The following CD74 variants were observed in gnomAD, a reference collection of about 807,000 sequenced individuals.
The protein encoded by CD74 is HLA class II histocompatibility antigen gamma chain.
In CD74, 20 loss-of-function variants were observed where a neutral mutation model predicts 37.1. The ratio of observed to expected loss-of-function variants is 0.54; its 90% CI spans 0.38 to 0.78. CD74 has a LOEUF of 0.78. Among genes scored for constraint, CD74 ranks in the 30% least tolerant of loss-of-function variants. CD74 has a pLI of 0.00. For synonymous variants in CD74, 150 were observed against 152.0 expected, an observed-to-expected ratio of 0.99 and a Z score of 0.10; for missense variants, 338 against 389.5, an observed-to-expected ratio of 0.87 and a Z score of 1.11.
chr5:150,407,142 G>A lies in CD74; in HGVS notation c.298+10C>T, dbSNP rs1189382433. 2 of 1,612,582 alleles carry A rather than the reference G, an allele frequency of 1.2e-6. No homozygotes were observed. The highest frequency in any genetic ancestry group is 1.7e-6 in the Non-Finnish European group (2 of 1,179,098). On this transcript the variant is annotated intron_variant, in intron 2 of 8. Transcript: ENST00000009530. The surrounding 1 kb of genome is among the most constrained non-coding windows in gnomAD (Gnocchi z 4.4). ...AGGTGGGGGGTATCAGGATGTAGGG[G>A]TGCACGCACGCTTGGGAAGCTTCAT...
At chr5:150,406,679 T>G in intron 3 of CD74, 1 of 585,462 alleles carries the variant, frequency 1.7e-6, no homozygotes, top group Non-Finnish European at 3.1e-6. Context: ...TGAGCCTTCC[T>G]CCCAGGGATG....
At position 150,403,161 on chromosome 5, in the gene CD74, C is replaced by T. The variant is rs767513187; in HGVS notation, c.777G>A (p.Glu259=). The T allele has an allele frequency of 6.2e-6, 10 of 1,614,022 alleles. No homozygotes were observed. In the South Asian group the frequency reaches 9.9e-5, roughly 16 times the overall value. The change falls in exon 7 of 9, where the codon GAG becomes GAA. Residue 259 remains glutamate (E), a synonymous_variant. Transcript: ENST00000009530. This position sits in a 1 kb window ranked among gnomAD's most constrained non-coding sequence, Gnocchi z 4.5. ...GCCCGCGGCTTCTGGTGTTGGGGAC[C>T]TCCGTGCCGTTGGGGAAGACACACC... ...YCWCVFPNGT[E]VPNTRSRGHH...
intron 4 of CD74, chr5:150,405,843 C>T (rs557198725): frequency 1.2e-4 from 21 of 168,082 alleles, no homozygotes; most frequent in African/African-American, 2.1e-4. Flanking sequence ...GTGATGATCT[C>T]GGCTCACTGC....
At position 150,402,683 on chromosome 5, in the gene CD74, T is replaced by C. The variant is rs1266212825; in HGVS notation, c.818-58A>G. On this transcript the variant is annotated intron_variant, in intron 7 of 8. Coordinates refer to ENST00000009530, the MANE Select transcript of CD74 (RefSeq NM_001025159.3). The surrounding 1 kb of genome is among the most constrained non-coding windows in gnomAD (Gnocchi z 4.2). ...GAAGTGCAGCCTACCTGACCCAAGATGCCTGAGGGCAGTGCTTCCCACCTA... is the reference window on the plus strand; with the variant it reads ...GAAGTGCAGCCTACCTGACCCAAGACGCCTGAGGGCAGTGCTTCCCACCTA... The C allele has an allele frequency of 3.4e-6, 5 of 1,458,850 alleles. No homozygotes were observed. The highest frequency in any genetic ancestry group is 4.6e-5 in the East Asian group (2 of 43,878). 90.4% of individuals were successfully genotyped at this position (1,458,850 alleles called of 1,614,324 possible).
intron 5 of CD74, 118 bp from the exon 6 acceptor site, chr5:150,404,885 C>A: frequency 1.2e-6 from 1 of 822,348 alleles, no homozygotes; most frequent in Non-Finnish European, 2.0e-6. Context: ...ACACCCGGGT[C>A]CAGCTGCAGC....
chr5:150,410,059 C>T (rs923407328), intron 1 of CD74, among the ~76,000 whole-genome samples: 2 of 127,686 alleles, frequency 1.6e-5, no homozygotes, highest in Admixed American at 9.1e-5. Flanking sequence ...AGCAAAAACC[C>T]GACGGTGGGC....
In CD74 at chr5:150,407,945, CGG is replaced by C. The variant is rs1233908099; in HGVS notation, c.126-623_126-622del. 2.6e-5 allele frequency among the ~76,000 whole-genome samples: 4 copies of C among 151,986 alleles called. No individual in the cohort carries two copies. The East Asian group carries it at 7.7e-4, about 29-fold the overall frequency. ...AATTATTTTGTATTTTTGATAGAGACGGGGTTTCACCGTGGTCTCGATCTCCT... is the reference window on the plus strand; with the variant it reads ...AATTATTTTGTATTTTTGATAGAGACGGTTTCACCGTGGTCTCGATCTCCT... On this transcript the variant is annotated intron_variant, in intron 1 of 8. Transcript: ENST00000009530. The surrounding 1 kb of genome is among the most constrained non-coding windows in gnomAD (Gnocchi z 4.4).
At chr5:150,408,738 A>G (rs1269569019) in intron 1 of CD74, among the ~76,000 whole-genome samples, 1 of 152,162 alleles carries the variant, frequency 6.6e-6, no homozygotes, top group East Asian at 1.9e-4. Context: ...CTGTTCTTTG[A>G]CGACCCCAGG....
chr5:150,409,704 C>CAAAAAAAAA (rs755621804), intron 1 of CD74, among the ~76,000 whole-genome samples: 18 of 89,470 alleles, frequency 2.0e-4, no homozygotes, highest in East Asian at 8.3e-4. Flanking sequence ...AAAAACATAA[C>CAAAAAAAAA]AAAAAAAAAA....
chr5:150,406,834 C>T (rs1769990894), intron 3 of CD74, 47 bp downstream of exon 3: 1 of 1,281,120 alleles, frequency 7.8e-7, no homozygotes. Flanking sequence ...GTCCTCCATC[C>T]AGGCGGGATA....
chr5:150,404,851 C>A (rs11749903), intron 5 of CD74, 84 bp from the exon 6 acceptor site: 3 of 1,007,842 alleles, frequency 3.0e-6, no homozygotes, highest in Non-Finnish European at 4.6e-6. Flanking sequence ...GGGACAGAAA[C>A]ATGCAGGGCC....
chr5:150,412,813 A>G lies in CD74; in HGVS notation c.-64T>C. The G allele has an allele frequency of 6.2e-7, 1 of 1,603,128 alleles. No individual in the cohort carries two copies. The highest frequency in any genetic ancestry group is 8.5e-7 in the Non-Finnish European group (1 of 1,174,750). On this transcript the variant is annotated 5_prime_UTR_variant, in exon 1 of 9. Coordinates refer to ENST00000009530, the MANE Select transcript of CD74 (RefSeq NM_001025159.3). ...TGCTGGAGAGGAATCTGATTCGTCC[A>G]CAGAAGGCCACTCCGCCCACTTGGT...
Position 150,412,508 on chromosome 5 carries a change from T to TA in CD74, c.125+116dup, listed in dbSNP as rs1770403882. The TA allele has an allele frequency of 8.9e-6, 7 of 785,168 alleles. No homozygotes were observed. The East Asian group carries it at 1.7e-4, about 20-fold the overall frequency. 48.6% of individuals were successfully genotyped at this position (785,168 alleles called of 1,614,324 possible). ...TCAAAATCACCCAAAAAGTCAATGT[T>TA]AGAGTCAGAGCCTGAATCCCTCTTT... On this transcript the variant is annotated intron_variant, in intron 1 of 8. Coordinates refer to ENST00000009530, the MANE Select transcript of CD74 (RefSeq NM_001025159.3).
At chr5:150,411,934 C>A (rs1241635283) in intron 1 of CD74, among the ~76,000 whole-genome samples, 2 of 152,212 alleles carry the variant, frequency 1.3e-5, no homozygotes, top group African/African-American at 4.8e-5. Context: ...GGATCTTGAA[C>A]ATTTTCAAAA....
chr5:150,404,836 C>G (rs557376623), intron 5 of CD74, 69 bp from the exon 6 acceptor site: 67 of 1,142,888 alleles, frequency 5.9e-5, no homozygotes, highest in Non-Finnish European at 8.4e-5. Context: ...CTGGCTTTGC[C>G]CCTGGGGACA....
Position 150,407,412 on chromosome 5 carries a change from C to A in CD74, c.126-88G>T. On this transcript the variant is annotated intron_variant, in intron 1 of 8. Coordinates refer to ENST00000009530, the MANE Select transcript of CD74 (RefSeq NM_001025159.3). The surrounding 1 kb of genome is among the most constrained non-coding windows in gnomAD (Gnocchi z 4.4). ...GCTAGGAATGGGGAAATGTATACCCCCATCTCCATTAGACCCCTAAGCCAC... is the reference window on the plus strand; with the variant it reads ...GCTAGGAATGGGGAAATGTATACCCACATCTCCATTAGACCCCTAAGCCAC... 1.8e-6 allele frequency: 2 copies of A among 1,093,654 alleles called. No homozygotes were observed. Among genetic ancestry groups the A allele is most frequent in the Admixed American group, 2.3e-5 (1 of 43,164 alleles). The allele number at this position is 1,093,654 out of a possible 1,614,324, so 67.7% of individuals were successfully genotyped here.
At chr5:150,410,528 G>A (rs1253835819) in intron 1 of CD74, among the ~76,000 whole-genome samples, 5 of 152,126 alleles carry the variant, frequency 3.3e-5, no homozygotes, top group African/African-American at 1.2e-4. Flanking sequence ...ATTACACTCA[G>A]TGCAATTCTC....
At position 150,403,875 on chromosome 5, in the gene CD74, A is replaced by G. The variant is rs1304340579; in HGVS notation, c.626-563T>C. ...CTCTATCTCAAAAACAAACAATCAAACAAAAAAACACCATTACAGTTTGGA... is the reference window on the plus strand; with the variant it reads ...CTCTATCTCAAAAACAAACAATCAAGCAAAAAAACACCATTACAGTTTGGA... On this transcript the variant is annotated intron_variant, in intron 6 of 8. Transcript: ENST00000009530. This position sits in a 1 kb window ranked among gnomAD's most constrained non-coding sequence, Gnocchi z 4.5. Among the ~76,000 whole-genome samples the G allele has an allele frequency of 1.3e-5, 2 of 152,128 alleles. No homozygotes were observed. Among genetic ancestry groups the G allele is most frequent in the African/African-American group, 4.8e-5 (2 of 41,416 alleles).
intron 1 of CD74, among the ~76,000 whole-genome samples, chr5:150,411,641 T>G (rs3797618): frequency 0.17 from 26,566 of 152,184 alleles, 2,506 homozygotes; most frequent in East Asian, 0.24. Flanking sequence ...GGGGGCCTGG[T>G]GTCCCCTGGA....
Sources: allele counts gnomAD v4.1 joint callset (sites outside exome capture counted in the v4.1 genomes callset), GRCh38; gene constraint gnomAD v4.1.1; non-coding constraint Gnocchi (gnomAD v3.1); transcripts MANE v1.5; gene names NCBI Gene and HGNC (gene_info 2026-07-23, HGNC 2026-07-21).